Variants in TTC38 observed in about 807,000 individuals in gnomAD.
TTC38 encodes the protein tetratricopeptide repeat protein 38.
Under a neutral mutation model 64.2 loss-of-function variants are expected in TTC38, and 64 were observed. That is an observed-to-expected ratio of 1.00 (90% CI 0.81 to 1.23). The LOEUF is 1.23. Ranked by LOEUF, TTC38 falls within the 50% of genes most tolerant of loss-of-function variation. The pLI, the probability that TTC38 is intolerant of heterozygous loss-of-function variation, is 0.00. For synonymous variants in TTC38, 254 were observed against 249.3 expected (o/e 1.02, Z -0.18); for missense variants, 573 against 615.5 (o/e 0.93, Z 0.73).
chr22:46,286,634 C>T (rs1251346127), intron 9 of TTC38, among the ~76,000 whole-genome samples: 2 of 151,334 alleles, frequency 1.3e-5, no homozygotes, highest in Admixed American at 1.3e-4. Context: ...TGCACTCCAG[C>T]CTGGGCGACA....
chr22:46,293,304 C>T lies in TTC38; in HGVS notation c.*420C>T. The T allele has an allele frequency of 5.3e-6, 1 of 189,454 alleles. No homozygotes were observed. The highest frequency in any genetic ancestry group is 1.1e-4 in the South Asian group (1 of 8,812). The allele number at this position is 189,454 out of a possible 1,614,324, so 11.7% of individuals were successfully genotyped here. ...CCACCAGGCTGCCCTTGGGATGGAC[C>T]TTTTCATTCTTTTCTTTATATTCTA... On this transcript the variant is annotated 3_prime_UTR_variant, in exon 14 of 14. Transcript: ENST00000381031. The surrounding 1 kb of genome is among the most constrained non-coding windows in gnomAD (Gnocchi z 6.6).
chr22:46,268,667 T>G, intron 2 of TTC38, 76 bp downstream of exon 2: 5 of 1,307,690 alleles, frequency 3.8e-6, no homozygotes, highest in South Asian at 1.2e-5. Context: ...GAAAGCTGTT[T>G]TTTTGTTTTG....
chr22:46,268,168 C>A (rs1601860989), intron 1 of TTC38, 96 bp downstream of exon 1: 1 of 1,392,528 alleles, frequency 7.2e-7, no homozygotes, highest in Non-Finnish European at 9.7e-7. Flanking sequence ...GGCCCGGGCG[C>A]GGGGCGTGGG....
rs1339311560 is a variant in TTC38 at position 46,268,765 on chromosome 22, AGCTTTGCCTCC to A, written c.111+175_111+185del. ...AGTGGCGCTATTTCGGCTCACTGCAAGCTTTGCCTCCCGGGTTCACGCCATTCTCGTCCCTC... is the reference window on the plus strand; with the variant it reads ...AGTGGCGCTATTTCGGCTCACTGCAACGGGTTCACGCCATTCTCGTCCCTC... On this transcript the variant is annotated intron_variant, in intron 2 of 13. Transcript: ENST00000381031. The A allele has an allele frequency of 2.0e-4, 121 of 606,770 alleles. No homozygotes were observed. The African/African-American group carries it at 2.0e-3, about 10-fold the overall frequency. 37.6% of individuals were successfully genotyped at this position (606,770 alleles called of 1,614,324 possible). A position where few individuals can be genotyped will look rare whatever the true frequency, so the allele number is the denominator to read the frequency against.
In TTC38 at chr22:46,278,580, T is replaced by C; in HGVS notation, c.540-6T>C. On this transcript the variant is annotated splice_polypyrimidine_tract_variant and splice_region_variant and intron_variant, in intron 5 of 13. Coordinates refer to ENST00000381031, the MANE Select transcript of TTC38 (RefSeq NM_017931.4). ...TGTATTCTGAGATCTTTTTTTCTGT[T>C]TTTAGCTATGTGAAAGGCATCTACT... 3 of 1,613,454 alleles carry C rather than the reference T, an allele frequency of 1.9e-6. 1 individual carries two copies. In the Admixed American group the frequency reaches 5.0e-5, roughly 27 times the overall value.
rs1386550185 is a variant in TTC38 at position 46,282,680 on chromosome 22, C to A, written c.735+962C>A. On this transcript the variant is annotated intron_variant, in intron 7 of 13. Transcript: ENST00000381031. This position sits in a 1 kb window ranked among gnomAD's most constrained non-coding sequence, Gnocchi z 4.4. ...TGGTCAGGTTCCCTTCTCAGGGACA[C>A]TGAGGTTTGTTTGAGGTTTCTGAGT... Among the ~76,000 whole-genome samples, 1 of 152,152 alleles carries A rather than the reference C, an allele frequency of 6.6e-6. No homozygotes were observed. The highest frequency in any genetic ancestry group is 1.5e-5 in the Non-Finnish European group (1 of 68,018).
At chr22:46,283,417 C>T (rs370874902) in intron 7 of TTC38, among the ~76,000 whole-genome samples, 2 of 152,284 alleles carry the variant, frequency 1.3e-5, no homozygotes, top group East Asian at 3.9e-4. Flanking sequence ...CCAGCTCAGG[C>T]GAGTAGGTTG....
chr22:46,284,444 G>A (rs1241005512), intron 8 of TTC38, among the ~76,000 whole-genome samples: 1 of 152,198 alleles, frequency 6.6e-6, no homozygotes, highest in African/African-American at 2.4e-5. Context: ...GTGCACAAAA[G>A]CTAGAAGCTC....
At chr22:46,289,078 T>G (rs2077592792) in intron 11 of TTC38, among the ~76,000 whole-genome samples, 2 of 152,216 alleles carry the variant, frequency 1.3e-5, no homozygotes, top group South Asian at 4.1e-4. Context: ...TTGCCTTGGC[T>G]TGCAGTGCCA....
Position 46,272,333 on chromosome 22 carries a change from A to G in TTC38, c.112-2A>G. 1 of 1,612,922 alleles carries G rather than the reference A, an allele frequency of 6.2e-7. No individual in the cohort carries two copies. The highest frequency in any genetic ancestry group is 8.5e-7 in the Non-Finnish European group (1 of 1,179,340). ...GGACTTGTTTTGCTTTTCCCATTTC[A>G]GTATGTAAAATGGACCAATGACAAG... On this transcript the variant is annotated splice_acceptor_variant, in intron 2 of 13. Transcript: ENST00000381031. LOFTEE classifies it high-confidence loss of function. The surrounding 1 kb of genome is among the most constrained non-coding windows in gnomAD (Gnocchi z 6.4).
At chr22:46,287,484 TGGCCA>T (rs1358211755) in intron 10 of TTC38, among the ~76,000 whole-genome samples, 2 of 152,254 alleles carry the variant, frequency 1.3e-5, no homozygotes, top group Non-Finnish European at 1.5e-5. Context: ...TGGTAGCACC[TGGCCA>T]CCTGTCTCGA....
chr22:46,278,728 G>A (rs2077511839), intron 6 of TTC38, 67 bp downstream of exon 6: 3 of 1,277,920 alleles, frequency 2.3e-6, no homozygotes, highest in African/African-American at 2.9e-5. Context: ...CAGGGCATAT[G>A]AGGGGCACCA....
At chr22:46,279,556 A>G (rs1186879059) in intron 6 of TTC38, among the ~76,000 whole-genome samples, 3 of 152,174 alleles carry the variant, frequency 2.0e-5, no homozygotes, top group Admixed American at 6.5e-5. Flanking sequence ...CCTGCCTCCC[A>G]ACATCCTGGC....
intron 8 of TTC38, 107 bp from the exon 9 acceptor site, chr22:46,285,134 C>G (rs1166799274): frequency 1.0e-6 from 1 of 966,480 alleles, no homozygotes; most frequent in Non-Finnish European, 1.7e-6. Context: ...AGGTGGAGGC[C>G]GGAGACCATG....
intron 2 of TTC38, chr22:46,269,355 C>A: frequency 5.2e-6 from 1 of 190,794 alleles, no homozygotes. Context: ...CATTTCTCTA[C>A]CAATGAAGGG....
At chr22:46,288,631 C>T (rs739165) in intron 11 of TTC38, 43 bp downstream of exon 11, 142,106 of 1,592,854 alleles carry the variant, frequency 0.089, 7,077 homozygotes, top group Non-Finnish European at 0.1. Context: ...CTCACCCTGC[C>T]GAGAGGGTGA....
At chr22:46,285,196 C>T (rs2077562777) in intron 8 of TTC38, 45 bp from the exon 9 acceptor site, 2 of 1,596,024 alleles carry the variant, frequency 1.3e-6, no homozygotes, top group Admixed American at 1.7e-5. Flanking sequence ...CAGCATTACA[C>T]TTTGCCTTCT....
At chr22:46,289,359 C>A in intron 11 of TTC38, 43 bp from the exon 12 acceptor site, 2 of 1,591,338 alleles carry the variant, frequency 1.3e-6, no homozygotes, top group South Asian at 2.2e-5. Flanking sequence ...CCCGGATGTT[C>A]TGTGATGGGC....
intron 6 of TTC38, among the ~76,000 whole-genome samples, chr22:46,279,336 C>T (rs888843809): frequency 6.6e-6 from 1 of 152,198 alleles, no homozygotes; most frequent in Admixed American, 6.5e-5. Flanking sequence ...TGCTCCTGTG[C>T]CCGGCTCTGT....
Sources: gnomAD v4.1 joint callset for allele counts (sites outside exome capture counted in the v4.1 genomes callset) on GRCh38, gnomAD v4.1.1 for gene constraint, Gnocchi (gnomAD v3.1) non-coding constraint, MANE v1.5 for transcripts, NCBI Gene and HGNC (gene_info 2026-07-23, HGNC 2026-07-21) for gene names.